CADM2: variants seen among roughly 807,000 people sequenced by gnomAD.
CADM2 encodes cell adhesion molecule 2.
Under a neutral mutation model 49.8 loss-of-function variants are expected in CADM2, and 12 were observed. The ratio of observed to expected loss-of-function variants is 0.24; its 90% CI spans 0.15 to 0.39. The LOEUF (loss-of-function observed/expected upper bound fraction) is 0.39. CADM2 is among the 10% of genes least tolerant of loss of function. CADM2 has a pLI of 1.00. For missense variants in CADM2, 378 were observed against 492.3 expected, an observed-to-expected ratio of 0.77 and a Z score of 2.20; for synonymous variants, 214 against 175.4, an observed-to-expected ratio of 1.22 and a Z score of -1.74.
intron 1 of CADM2, among the ~76,000 whole-genome samples, chr3:85,415,417 G>T (rs2035873046): frequency 5.6e-5 from 2 of 35,730 alleles, no homozygotes; most frequent in African/African-American, 8.0e-5. Flanking sequence ...GCCAGCTTTT[G>T]CCAAAAAAAA....
Position 85,731,849 on chromosome 3 carries a change from A to G in CADM2, c.88+5301A>G, listed in dbSNP as rs140604237. 2.6e-3 allele frequency among the ~76,000 whole-genome samples: 402 copies of G among 152,198 alleles called. 2 individuals carry two copies. The highest frequency in any genetic ancestry group is 9.4e-3 in the African/African-American group (391 of 41,566). ...CTTATATAATACTTAAAATGTAAAA[A>G]TATCCTGCTTTTATTATCAGTGAAG... is the stretch of plus-strand genomic sequence containing the variant. On this transcript the variant is annotated intron_variant, in intron 2 of 9. Coordinates refer to ENST00000383699, the MANE Select transcript of CADM2 (RefSeq NM_001167675.2).
chr3:85,356,051 G>A (rs926376543), intron 1 of CADM2, among the ~76,000 whole-genome samples: 2 of 151,868 alleles, frequency 1.3e-5, no homozygotes, highest in Non-Finnish European at 2.9e-5. Context: ...AATACTACTG[G>A]GACATGGTTT....
intron 8 of CADM2, among the ~76,000 whole-genome samples, chr3:86,042,498 T>G (rs6549068): frequency 2.0e-5 from 3 of 151,868 alleles, no homozygotes; most frequent in South Asian, 4.1e-4. Flanking sequence ...ATAAATTCCT[T>G]GACACATACA....
intron 1 of CADM2, among the ~76,000 whole-genome samples, chr3:85,291,349 G>T (rs916767850): frequency 6.6e-6 from 1 of 151,492 alleles, no homozygotes; most frequent in Non-Finnish European, 1.5e-5. Context: ...ATGGAACCAA[G>T]TTGGAAAACA....
At chr3:85,093,248 T>C (rs1373801310) in intron 1 of CADM2, among the ~76,000 whole-genome samples, 2 of 151,950 alleles carry the variant, frequency 1.3e-5, no homozygotes, top group African/African-American at 4.8e-5. Flanking sequence ...TGGCCAAGTG[T>C]GGTGGCTCAC....
chr3:85,834,713 G>C (rs2074329334), intron 3 of CADM2, among the ~76,000 whole-genome samples: 1 of 150,706 alleles, frequency 6.6e-6, no homozygotes, highest in Non-Finnish European at 1.5e-5. Context: ...CATTTGCTGG[G>C]TTAAGTTTTC....
At chr3:85,714,478 G>A (rs567887626) in intron 1 of CADM2, among the ~76,000 whole-genome samples, 226 of 152,220 alleles carry the variant, frequency 1.5e-3, no homozygotes, top group African/African-American at 4.9e-3. Flanking sequence ...CCAGGCTGGA[G>A]TGCAGTGGTG....
At position 86,067,319 on chromosome 3, in the gene CADM2, TAA is replaced by T. The variant is rs1021340313; in HGVS notation, c.*544_*545del. 2 of 151,348 alleles carry T rather than the reference TAA, an allele frequency of 1.3e-5. No homozygotes were observed. The highest frequency in any genetic ancestry group is 3.9e-4 in the East Asian group (2 of 5,168). The allele number at this position is 151,348 out of a possible 1,614,324, so 9.4% of individuals were successfully genotyped here. Reference sequence around the variant, plus strand: ...ACATATGTCCTAGAAAACATAAAATTAAAAAAAAACACTATAGTGTAGTTTTT... The same window carrying T: ...ACATATGTCCTAGAAAACATAAAATTAAAAAAACACTATAGTGTAGTTTTT... On this transcript the variant is annotated 3_prime_UTR_variant, in exon 10 of 10. Coordinates refer to ENST00000383699, the MANE Select transcript of CADM2 (RefSeq NM_001167675.2).
chr3:85,828,592 G>A (rs1426617262), intron 3 of CADM2, among the ~76,000 whole-genome samples: 1 of 151,846 alleles, frequency 6.6e-6, no homozygotes, highest in Non-Finnish European at 1.5e-5. Context: ...ATCGTTAAAT[G>A]TGGCTATGCC....
intron 7 of CADM2, among the ~76,000 whole-genome samples, chr3:85,961,172 G>A (rs1724761872): frequency 6.6e-6 from 1 of 151,150 alleles, no homozygotes; most frequent in Non-Finnish European, 1.5e-5. Flanking sequence ...TGAGCCATTA[G>A]CAGCAGAATC....
At chr3:85,855,304 A>G (rs2108303439) in intron 3 of CADM2, among the ~76,000 whole-genome samples, 2 of 152,018 alleles carry the variant, frequency 1.3e-5, no homozygotes, top group South Asian at 4.2e-4. Context: ...CCTCTAAACT[A>G]TTTCTTGAGG....
chr3:86,018,045 A>T (rs1732555654), intron 8 of CADM2, among the ~76,000 whole-genome samples: 1 of 109,992 alleles, frequency 9.1e-6, no homozygotes. Context: ...ACCCCACAAC[A>T]GTCCCCAGAG....
chr3:85,662,208 A>G (rs550113034), intron 1 of CADM2, among the ~76,000 whole-genome samples: 34 of 148,336 alleles, frequency 2.3e-4, no homozygotes, highest in Non-Finnish European at 4.0e-4. Flanking sequence ...TCTTTTAGTC[A>G]TTAAAATTTT....
intron 1 of CADM2, among the ~76,000 whole-genome samples, chr3:85,000,392 C>CG (rs2033403284): frequency 6.6e-6 from 1 of 151,710 alleles, no homozygotes. Context: ...CCTCCCAAAG[C>CG]ACTGCTTCTA....
At chr3:85,608,643 G>T (rs1003316704) in intron 1 of CADM2, among the ~76,000 whole-genome samples, 1 of 152,136 alleles carries the variant, frequency 6.6e-6, no homozygotes, top group South Asian at 2.1e-4. Context: ...TCAGTTGTAA[G>T]TTATTATTTA....
Position 85,292,593 on chromosome 3 carries a change from C to T in CADM2, c.61+332925C>T, listed in dbSNP as rs565203447. On this transcript the variant is annotated intron_variant, in intron 1 of 9. Coordinates refer to ENST00000383699, the MANE Select transcript of CADM2 (RefSeq NM_001167675.2). Reference sequence around the variant, plus strand: ...ACTGAAATTATAACAAACTATCTCTCAGACCACAGTGCAATCAAACTAGAA... The same window carrying T: ...ACTGAAATTATAACAAACTATCTCTTAGACCACAGTGCAATCAAACTAGAA... Among the ~76,000 whole-genome samples the T allele has an allele frequency of 2.0e-3, 303 of 152,120 alleles. 2 individuals carry two copies. The highest frequency in any genetic ancestry group is 6.6e-3 in the African/African-American group (272 of 41,454).
intron 1 of CADM2, among the ~76,000 whole-genome samples, chr3:85,132,386 G>A (rs1391091399): frequency 6.6e-6 from 1 of 152,138 alleles, no homozygotes; most frequent in Non-Finnish European, 1.5e-5. Context: ...GAACTTTGGA[G>A]TTTGAGGTTT....
rs538333591 is a variant in CADM2, at chr3:85,219,091, A to G, written c.61+259423A>G. Among the ~76,000 whole-genome samples, 41 of 152,328 alleles carry G rather than the reference A, an allele frequency of 2.7e-4. No individual in the cohort carries two copies. The South Asian group carries it at 8.1e-3, about 30-fold the overall frequency. On this transcript the variant is annotated intron_variant, in intron 1 of 9. Transcript: ENST00000383699. ...TTTGAAAGAGAAAAACATAGAATGC[A>G]TAGGAGGTATTATAGGTATGGTTTT...
intron 1 of CADM2, among the ~76,000 whole-genome samples, chr3:85,710,363 T>C (rs553628048): frequency 6.6e-6 from 1 of 152,218 alleles, no homozygotes; most frequent in African/African-American, 2.4e-5. Context: ...AATTTTTTTT[T>C]CCCAGACAAT....
Sources: gnomAD v4.1 joint callset for allele counts (sites outside exome capture counted in the v4.1 genomes callset) on GRCh38, gnomAD v4.1.1 for gene constraint, MANE v1.5 for transcripts, NCBI Gene and HGNC (gene_info 2026-07-23, HGNC 2026-07-21) for gene names.